GNAS: variants seen among roughly 807,000 people sequenced by gnomAD.
GNAS encodes GNAS complex locus.
In GNAS, 8 loss-of-function variants were observed where a neutral mutation model predicts 54.5. The ratio of observed to expected loss-of-function variants is 0.15; its 90% CI spans 0.09 to 0.26. GNAS has a LOEUF of 0.26. GNAS is among the 10% of genes least tolerant of loss of function. GNAS has a pLI of 1.00. For synonymous variants in GNAS, 204 were observed against 191.4 expected (o/e 1.07, Z -0.54); for missense variants, 170 against 529.8 (o/e 0.32, Z 6.67).
chr20:58,851,026 T>C (rs2086149364), intron 1 of GNAS: 1 of 397,892 alleles, frequency 2.5e-6, no homozygotes, highest in East Asian at 3.6e-5. Context: ...GGGAGTGAGT[T>C]GGTGTTGGGA....
intron 1 of GNAS, chr20:58,854,706 G>A: frequency 3.3e-6 from 5 of 1,531,824 alleles, no homozygotes; most frequent in Non-Finnish European, 4.4e-6. Flanking sequence ...TGCGGCTGCT[G>A]AGACCCGGGC....
chr20:58,889,183 C>G, upstream of GNAS: 1 of 1,214,704 alleles, frequency 8.2e-7, no homozygotes, highest in Non-Finnish European at 1.1e-6. Context: ...GACACTCAGT[C>G]GCGTCGGCAC....
At chr20:58,846,687 A>G (rs1405651230) in intron 1 of GNAS, among the ~76,000 whole-genome samples, 2 of 151,786 alleles carry the variant, frequency 1.3e-5, no homozygotes, top group African/African-American at 4.8e-5. Context: ...TCTCCCCTCA[A>G]CCCCATGTGA....
rs1381318364 is a variant in GNAS at position 58,853,261 on chromosome 20, G to A, written c.43+12375G>A. ...AAACTTATTTTGAGAGGCCGCCACCGTGTTATGGGCGTGCGCAACTGCCTC... is the reference window on the plus strand; with the variant it reads ...AAACTTATTTTGAGAGGCCGCCACCATGTTATGGGCGTGCGCAACTGCCTC... On this transcript the variant is annotated intron_variant, in intron 1 of 12. Transcript: ENST00000306090. The surrounding 1 kb of genome is among the most constrained non-coding windows in gnomAD (Gnocchi z 4.4). 7.1e-6 allele frequency: 11 copies of A among 1,540,990 alleles called. No homozygotes were observed. The highest frequency in any genetic ancestry group is 2.5e-5 in the East Asian group (1 of 40,626).
At chr20:58,892,020 G>T in intron 1 of GNAS, 155 bp downstream of exon 1, 1 of 819,626 alleles carries the variant, frequency 1.2e-6, no homozygotes, top group Non-Finnish European at 1.5e-6. Context: ...GGCCGGAAGG[G>T]GGACCCAGGG....
chr20:58,854,034 G>A, intron 1 of GNAS: 4 of 1,610,932 alleles, frequency 2.5e-6, no homozygotes, highest in Non-Finnish European at 2.5e-6. Context: ...CCAGTTCGCG[G>A]CAGTCGCGGC....
At chr20:58,839,812 C>G (rs61558260), upstream of GNAS, 22,173 of 585,262 alleles carry the variant, frequency 0.038, 879 homozygotes, top group African/African-American at 0.15. Flanking sequence ...TCTTAGGCTG[C>G]GGAATCTAAG....
chr20:58,847,346 C>T (rs1568916066), intron 1 of GNAS, among the ~76,000 whole-genome samples: 1 of 152,096 alleles, frequency 6.6e-6, no homozygotes, highest in Non-Finnish European at 1.5e-5. Context: ...AGCCTGGCCA[C>T]GCAGACCCCT....
At chr20:58,895,300 G>A (rs984625820) in intron 1 of GNAS, 27 of 396,632 alleles carry the variant, frequency 6.8e-5, no homozygotes, top group Non-Finnish European at 9.0e-5. Flanking sequence ...ACAAAATTGC[G>A]TCATTCCTTC....
At chr20:58,854,892 C>T in intron 1 of GNAS, 1 of 1,593,872 alleles carries the variant, frequency 6.3e-7, no homozygotes, top group Non-Finnish European at 8.5e-7. Context: ...TCCGCCTACT[C>T]CGCGGCCTAC....
chr20:58,887,212 T>C (rs1338906548), upstream of GNAS, among the ~76,000 whole-genome samples: 2 of 152,234 alleles, frequency 1.3e-5, no homozygotes, highest in Admixed American at 1.3e-4. Flanking sequence ...TTTGTTACTA[T>C]TTACCTTGTA....
rs753210957 is a variant in GNAS at position 58,903,774 on chromosome 20, G to A, written c.415G>A (p.Asp139Asn). The A allele has an allele frequency of 4.3e-6, 7 of 1,613,992 alleles. No individual in the cohort carries two copies. The Admixed American group carries it at 1.2e-4, about 27-fold the overall frequency. The change falls in exon 5 of 13, where the codon GAC becomes AAC. Residue 139 changes from aspartate to asparagine, a missense_variant. By Grantham distance (23) the Asp-to-Asn change is conservative (BLOSUM62 1). This residue lies in a region of GNAS where 78 missense variants were observed against 251.1 expected (regional missense o/e 0.31). Transcript: ENST00000371085. ...CATCCTGAGTGTGATGAACGTGCCTGACTTTGACTTCCCTCCCGTAAGCTA... is the reference window on the plus strand; with the variant it reads ...CATCCTGAGTGTGATGAACGTGCCTAACTTTGACTTCCCTCCCGTAAGCTA... ...DYILSVMNVP[D>N]FDFPPEFYEH...
intron 1 of GNAS, among the ~76,000 whole-genome samples, chr20:58,880,032 T>C (rs1325571015): frequency 6.6e-6 from 1 of 152,170 alleles, no homozygotes; most frequent in Non-Finnish European, 1.5e-5. Context: ...AAACTGAGAC[T>C]AGATAATCTC....
rs1490452439 is a variant in GNAS, at chr20:58,891,620, GCCCGGCCCGCCCGCCCGGCGCTGC to G, written c.-98_-75del. The G allele has an allele frequency of 1.7e-5, 16 of 965,180 alleles. No homozygotes were observed. Among genetic ancestry groups the G allele is most frequent in the Admixed American group, 6.7e-5 (1 of 14,952 alleles). 59.8% of individuals were successfully genotyped at this position (965,180 alleles called of 1,614,324 possible). On this transcript the variant is annotated 5_prime_UTR_variant, in exon 1 of 13. Coordinates refer to ENST00000371085, the MANE Select transcript of GNAS (RefSeq NM_000516.7). Reference sequence around the variant, plus strand: ...CTCCTTGCCGAGGAGCCGAGCCCGCGCCCGGCCCGCCCGCCCGGCGCTGCCCCGGCCCTCCCGGCCCGCGTGAGG... The same window carrying G: ...CTCCTTGCCGAGGAGCCGAGCCCGCGCCCGGCCCTCCCGGCCCGCGTGAGG...
At chr20:58,898,209 A>T (rs141237048) in intron 2 of GNAS, 1 of 152,368 alleles carries the variant, frequency 6.6e-6, no homozygotes, top group Non-Finnish European at 1.5e-5. Context: ...TTCGGCCTTC[A>T]AGGAGGAATT....
chr20:58,908,578 A>T (rs1191815716), intron 6 of GNAS, among the ~76,000 whole-genome samples: 2 of 152,034 alleles, frequency 1.3e-5, no homozygotes, highest in Non-Finnish European at 2.9e-5. Context: ...ATGTCACTTT[A>T]TTGTTTTTTA....
In GNAS at chr20:58,910,229, A is replaced by G. The variant is rs1358463306; in HGVS notation, c.971-105A>G. 46 of 1,262,546 alleles carry G rather than the reference A, an allele frequency of 3.6e-5. No homozygotes were observed. Among genetic ancestry groups the G allele is most frequent in the African/African-American group, 5.9e-5 (4 of 68,096 alleles). 78.2% of individuals were successfully genotyped at this position (1,262,546 alleles called of 1,614,324 possible). On this transcript the variant is annotated intron_variant, in intron 11 of 12. Coordinates refer to ENST00000371085, the MANE Select transcript of GNAS (RefSeq NM_000516.7). This position sits in a 1 kb window ranked among gnomAD's most constrained non-coding sequence, Gnocchi z 5.8. ...AAAACGCACTCCCACTAATTCTCAT[A>G]TGGAAAAATCAGGGTTTTGAAGACT... is the stretch of plus-strand genomic sequence containing the variant.
At position 58,891,627 on chromosome 20, in the gene GNAS, C is replaced by T; in HGVS notation, c.-100C>T. ...CCGAGGAGCCGAGCCCGCGCCCGGC[C>T]CGCCCGCCCGGCGCTGCCCCGGCCC... On this transcript the variant is annotated 5_prime_UTR_variant, in exon 1 of 13. Coordinates refer to ENST00000371085, the MANE Select transcript of GNAS (RefSeq NM_000516.7). The T allele has an allele frequency of 1.0e-6, 1 of 970,402 alleles. No homozygotes were observed. The highest frequency in any genetic ancestry group is 4.7e-5 in the South Asian group (1 of 21,278). 60.1% of individuals were successfully genotyped at this position (970,402 alleles called of 1,614,324 possible).
At chr20:58,840,739 G>A (rs778945290), upstream of GNAS, 4 of 1,605,320 alleles carry the variant, frequency 2.5e-6, no homozygotes, top group Non-Finnish European at 3.4e-6. This position sits in a 1 kb window ranked among gnomAD's most constrained non-coding sequence, Gnocchi z 6.0. Flanking sequence ...AGGAGCCCAA[G>A]GAGGAGAAGC....
Sources: gnomAD v4.1 joint callset for allele counts (sites outside exome capture counted in the v4.1 genomes callset) on GRCh38, gnomAD v4.1.1 for gene constraint, gnomAD v4.1.1 regional missense constraint, Gnocchi (gnomAD v3.1) non-coding constraint, MANE v1.5 for transcripts, NCBI Gene and HGNC (gene_info 2026-07-23, HGNC 2026-07-21) for gene names.